Variants in PHF11 observed in about 807,000 individuals in gnomAD.
PHF11 encodes PHD finger protein 11, also known as BRCA1 C-terminus-associated protein.
Under a neutral mutation model 40.5 loss-of-function variants are expected in PHF11, and 38 were observed. The observed-to-expected ratio is 0.94, with a 90% CI of 0.72 to 1.23. The LOEUF (loss-of-function observed/expected upper bound fraction) is 1.23. Among genes scored for constraint, PHF11 ranks in the 50% most tolerant of loss-of-function variants. The pLI is 0.00. For synonymous variants in PHF11, 127 were observed against 138.2 expected (o/e 0.92, Z 0.57); for missense variants, 369 against 392.4 (o/e 0.94, Z 0.50).
chr13:49,523,555 G>A, intron 7 of PHF11: 1 of 354,294 alleles, frequency 2.8e-6, no homozygotes. Context: ...TGTAACTGTA[G>A]TTCTCTGTTC....
chr13:49,516,796 G>A (rs767823629), intron 3 of PHF11, among the ~76,000 whole-genome samples: 2 of 151,920 alleles, frequency 1.3e-5, no homozygotes, highest in Non-Finnish European at 2.9e-5. Flanking sequence ...TGTTGCTCAA[G>A]CTGGTCTCGA....
intron 2 of PHF11, 21 bp from the exon 3 acceptor site, chr13:49,513,038 A>AT (rs557643908): frequency 6.3e-4 from 749 of 1,195,772 alleles, no homozygotes; most frequent in Non-Finnish European, 7.4e-4. Context: ...CATACTCTGG[A>AT]TTTTTTTTTC....
chr13:49,523,945 T>C (rs1959206662), intron 7 of PHF11, 140 bp from the exon 8 acceptor site: 1 of 482,682 alleles, frequency 2.1e-6, no homozygotes, highest in East Asian at 3.5e-5. Context: ...TTATAATTAA[T>C]AAAAAGGGTG....
chr13:49,511,327 C>CTT (rs10627347), intron 2 of PHF11, among the ~76,000 whole-genome samples: 57,535 of 125,704 alleles, frequency 0.46, 14,294 homozygotes, highest in East Asian at 0.79. Context: ...TGTTCAATGG[C>CTT]TTTTTTTTTT....
Position 49,528,786 on chromosome 13 carries a change from T to G in PHF11, c.*121T>G. ...CGTCTCCTCTTGGCCTCAGCAGCTC[T>G]TCCCTGTTCTTACTGGTTGACATTT... On this transcript the variant is annotated 3_prime_UTR_variant, in exon 10 of 10. Transcript: ENST00000378319. 2 of 655,208 alleles carry G rather than the reference T, an allele frequency of 3.1e-6. No homozygotes were observed. The highest frequency in any genetic ancestry group is 5.2e-6 in the Non-Finnish European group (2 of 384,108). The allele number at this position is 655,208 out of a possible 1,614,324, so 40.6% of individuals were successfully genotyped here.
At chr13:49,511,281 TTG>T (rs1440932733) in intron 2 of PHF11, among the ~76,000 whole-genome samples, 1 of 151,992 alleles carries the variant, frequency 6.6e-6, no homozygotes, top group Non-Finnish European at 1.5e-5. Flanking sequence ...ATATGAGTCT[TTG>T]TGTCTTTATT....
intron 1 of PHF11, among the ~76,000 whole-genome samples, chr13:49,503,813 G>C (rs1280891038): frequency 6.6e-6 from 1 of 152,014 alleles, no homozygotes; most frequent in South Asian, 2.1e-4. Context: ...GCTCACTGCA[G>C]CCTCTGCCTC....
Position 49,522,767 on chromosome 13 carries a change from GTTT to G in PHF11, c.571-395_571-393del, listed in dbSNP as rs1184862570. The stretch of plus-strand genomic sequence containing the variant: ...CTAAATATGAATATGGGGTTTTTTT[GTTT>G]TTTTTTTTTTTTGAGACAGAGTCTC... On this transcript the variant is annotated intron_variant, in intron 6 of 9. Coordinates refer to ENST00000378319, the MANE Select transcript of PHF11 (RefSeq NM_001040443.3). Among the ~76,000 whole-genome samples, 26 of 41,982 alleles carry G rather than the reference GTTT, an allele frequency of 6.2e-4. 1 individual carries two copies. The highest frequency in any genetic ancestry group is 1.6e-3 in the Non-Finnish European group (25 of 15,896). The allele number at this position is 41,982 out of a possible 152,430, so 27.5% of individuals were successfully genotyped here.
intron 1 of PHF11, among the ~76,000 whole-genome samples, chr13:49,501,018 T>TTTTTTTTTTTTTTTG (rs1958898871): frequency 4.7e-5 from 2 of 42,192 alleles, no homozygotes; most frequent in African/African-American, 3.4e-4. Context: ...TTTTTTTTGG[T>TTTTTTTTTTTTTTTG]TTTTTTTTTT....
intron 8 of PHF11, among the ~76,000 whole-genome samples, chr13:49,525,002 G>A (rs976391528): frequency 6.6e-6 from 1 of 152,090 alleles, no homozygotes; most frequent in African/African-American, 2.4e-5. Flanking sequence ...CTGCATTCCT[G>A]TTGCTAAGAT....
intron 4 of PHF11, among the ~76,000 whole-genome samples, chr13:49,519,892 A>C (rs1959179417): frequency 6.6e-6 from 1 of 152,200 alleles, no homozygotes; most frequent in Non-Finnish European, 1.5e-5. Context: ...AACTGGTATA[A>C]GATGGGAAGA....
At chr13:49,506,898 CTTTT>C in intron 2 of PHF11, 142 bp downstream of exon 2, 342 of 143,730 alleles carry the variant, frequency 2.4e-3, no homozygotes, top group Middle Eastern at 6.3e-3. Context: ...GGGAGCATTT[CTTTT>C]TTTTTTTTTT....
chr13:49,525,552 T>C (rs1959237181), intron 8 of PHF11, among the ~76,000 whole-genome samples: 1 of 152,174 alleles, frequency 6.6e-6, no homozygotes, highest in Admixed American at 6.5e-5. Context: ...CCAGCCTTAC[T>C]TAGCTTTCTT....
chr13:49,501,019 T>G (rs1482967381), intron 1 of PHF11, among the ~76,000 whole-genome samples: 4 of 145,574 alleles, frequency 2.7e-5, no homozygotes, highest in South Asian at 4.3e-4. Context: ...TTTTTTTGGT[T>G]TTTTTTTTTC....
At chr13:49,516,381 C>T (rs1290673358) in intron 3 of PHF11, among the ~76,000 whole-genome samples, 1 of 151,530 alleles carries the variant, frequency 6.6e-6, no homozygotes, top group African/African-American at 2.4e-5. Context: ...ATACTATATA[C>T]TCATGTATTT....
chr13:49,497,229 G>T, intron 1 of PHF11: 1 of 1,280,874 alleles, frequency 7.8e-7, no homozygotes. Flanking sequence ...TAAGTCACGG[G>T]AGATGCGCTT....
At chr13:49,511,449 C>G (rs1434278926) in intron 2 of PHF11, among the ~76,000 whole-genome samples, 1 of 151,736 alleles carries the variant, frequency 6.6e-6, no homozygotes, top group Non-Finnish European at 1.5e-5. Context: ...GCCTCAGCCT[C>G]GCGAGTAGCT....
intron 8 of PHF11, among the ~76,000 whole-genome samples, chr13:49,525,410 G>A (rs1305592351): frequency 6.6e-6 from 1 of 152,072 alleles, no homozygotes; most frequent in Non-Finnish European, 1.5e-5. Flanking sequence ...AACACACTCG[G>A]CTAATTTTTG....
intron 5 of PHF11, among the ~76,000 whole-genome samples, chr13:49,521,732 A>G (rs1959188699): frequency 1.3e-5 from 2 of 152,138 alleles, no homozygotes. Flanking sequence ...GTGCATTCCC[A>G]TATCTTTTCA....
Sources: allele counts gnomAD v4.1 joint callset (sites outside exome capture counted in the v4.1 genomes callset), GRCh38; gene constraint gnomAD v4.1.1; transcripts MANE v1.5; gene names NCBI Gene and HGNC (gene_info 2026-07-23, HGNC 2026-07-21).